The following RTL1 variants were observed in gnomAD, a reference collection of about 807,000 sequenced individuals.
RTL1 encodes the protein retrotransposon Gag like 1, also known as retrotransposon-like protein 1.
For synonymous variants in RTL1, 727 were observed against 748.4 expected, an observed-to-expected ratio of 0.97 and a Z score of 0.47; for missense variants, 1,681 against 1,767.5, an observed-to-expected ratio of 0.95 and a Z score of 0.88.
intron 3 of RTL1, among the ~76,000 whole-genome samples, chr14:100,890,241 C>G (rs2038753622): frequency 6.6e-6 from 1 of 151,698 alleles, no homozygotes; most frequent in South Asian, 2.1e-4. Flanking sequence ...CAGCTCCTTG[C>G]TTGCCTCTGA....
In RTL1 at chr14:100,881,411, G is replaced by A; in HGVS notation, c.3378C>T (p.Leu1126=). The A allele has an allele frequency of 6.4e-7, 1 of 1,550,864 alleles. No homozygotes were observed. Among genetic ancestry groups the A allele is most frequent in the Non-Finnish European group, 8.7e-7 (1 of 1,146,980 alleles). Reference sequence around the variant, plus strand: ...CTGCGATGAGGGACGAATCCAGGATGAGTCGTAGGGAGCGCTGGGGCTGGG... The same window carrying A: ...CTGCGATGAGGGACGAATCCAGGATAAGTCGTAGGGAGCGCTGGGGCTGGG... ...ARPQPQRSLR[L]ILDSSLIAGS... is the part of the protein sequence containing the mutation. Residue 1126 remains leucine (L), a synonymous_variant, in exon 4 of 4, where the codon CTC becomes CTT. Coordinates refer to ENST00000649591, the MANE Select transcript of RTL1 (RefSeq NM_001134888.3). The surrounding 1 kb of genome is among the most constrained non-coding windows in gnomAD (Gnocchi z 6.6).
intron 2 of RTL1, among the ~76,000 whole-genome samples, chr14:100,896,253 C>T (rs549691084): frequency 2.1e-4 from 32 of 152,198 alleles, no homozygotes; most frequent in African/African-American, 7.0e-4. Context: ...AGATTTCTTC[C>T]GCACAAAGTC....
Position 100,881,743 on chromosome 14 carries a change from G to T in RTL1, c.3046C>A (p.Leu1016Met), listed in dbSNP as rs2038617083. 2.5e-6 allele frequency: 4 copies of T among 1,610,048 alleles called. No homozygotes were observed. Among genetic ancestry groups the T allele is most frequent in the African/African-American group, 2.7e-5 (2 of 74,834 alleles). ...QRNTAARQTLLLASRGFPRDP... is the reference protein window; with the variant it reads ...QRNTAARQTLMLASRGFPRDP... The stretch of plus-strand genomic sequence containing the variant: ...CTGGGGAATCCCCTTGAGGCCAGCA[G>T]CAGGGTTTGCCTGGCGGCAGTGTTC... Residue 1016 changes from leucine to methionine, a missense_variant, in exon 4 of 4, where the codon CTG becomes ATG. Leu to Met is a conservative substitution (Grantham distance 15). Coordinates refer to ENST00000649591, the MANE Select transcript of RTL1 (RefSeq NM_001134888.3). This position sits in a 1 kb window ranked among gnomAD's most constrained non-coding sequence, Gnocchi z 6.6.
At chr14:100,901,743 G>A (rs994430156) in intron 2 of RTL1, among the ~76,000 whole-genome samples, 3 of 151,974 alleles carry the variant, frequency 2.0e-5, no homozygotes, top group African/African-American at 7.3e-5. Context: ...AGGTGTTCTG[G>A]CCCTCAAGAG....
rs2038637453 is a variant in RTL1 at position 100,882,806 on chromosome 14, C to G, written c.1983G>C (p.Glu661Asp). ...PELFDQLHGAEWFTKLELRGT... is the reference protein window; with the variant it reads ...PELFDQLHGADWFTKLELRGT... ...CACGCAGCTCCAGTTTTGTGAACCA[C>G]TCGGCTCCGTGTAACTGGTCAAACA... The change falls in exon 4 of 4, where the codon GAG (glutamate) becomes GAC (aspartate). Residue 661 changes from glutamate to aspartate, a missense_variant. Coordinates refer to ENST00000649591, the MANE Select transcript of RTL1 (RefSeq NM_001134888.3). 6.4e-7 allele frequency: 1 copy of G among 1,551,838 alleles called. No individual in the cohort carries two copies. The highest frequency in any genetic ancestry group is 2.0e-5 in the Admixed American group (1 of 50,996).
intron 2 of RTL1, chr14:100,898,016 C>A: frequency 2.0e-6 from 1 of 501,760 alleles, no homozygotes; most frequent in Admixed American, 2.0e-5. Flanking sequence ...TAGGTCTTGG[C>A]TGTTTCATTC....
At position 100,880,725 on chromosome 14, in the gene RTL1, G is replaced by A. The variant is rs2038594660; in HGVS notation, c.4064C>T (p.Ala1355Val). Residue 1355 changes from alanine (A) to valine (V), a missense_variant, in exon 4 of 4, where the codon GCT becomes GTT. Transcript: ENST00000649591. ...AGGGAGGCGTCTTCAGTCGAGGTTA[G>A]CATCTTCGTCCTCATCAGGCAGCTC... ...LEELPDEDED[A>V]NLD 6.4e-7 allele frequency: 1 copy of A among 1,550,770 alleles called. No individual in the cohort carries two copies. The highest frequency in any genetic ancestry group is 1.4e-5 in the African/African-American group (1 of 72,992).
Position 100,884,067 on chromosome 14 carries a change from A to G in RTL1, c.722T>C (p.Val241Ala). 4 of 1,551,716 alleles carry G rather than the reference A, an allele frequency of 2.6e-6. No individual in the cohort carries two copies. The highest frequency in any genetic ancestry group is 3.5e-6 in the Non-Finnish European group (4 of 1,146,994). ...FYNDRLRVGY[V>A]INHLSGLALE... ...TGCCAAGCCGGACAGGTGATTGATG[A>G]CATAGCCAACTCTCAGACGGTCGTT... The change falls in exon 4 of 4, where the codon GTC (valine) becomes GCC (alanine). Residue 241 changes from valine (V) to alanine (A), a missense_variant. By Grantham distance (64) the Val-to-Ala change is moderately conservative (BLOSUM62 0). Coordinates refer to ENST00000649591, the MANE Select transcript of RTL1 (RefSeq NM_001134888.3).
Position 100,884,830 on chromosome 14 carries a change from T to C in RTL1, c.-42A>G. ...GAGTGTATTCTGAAGATTGGTAAGGTTGTGATGGCGTCCAGTCAGTAGCTG... is the reference window on the plus strand; with the variant it reads ...GAGTGTATTCTGAAGATTGGTAAGGCTGTGATGGCGTCCAGTCAGTAGCTG... On this transcript the variant is annotated 5_prime_UTR_variant, in exon 4 of 4. Transcript: ENST00000649591. 1 of 1,513,572 alleles carries C rather than the reference T, an allele frequency of 6.6e-7. No homozygotes were observed. The highest frequency in any genetic ancestry group is 2.3e-5 in the East Asian group (1 of 44,014). The allele number at this position is 1,513,572 out of a possible 1,614,324, so 93.8% of individuals were successfully genotyped here.
intron 2 of RTL1, among the ~76,000 whole-genome samples, chr14:100,895,844 C>T (rs902335580): frequency 1.4e-4 from 21 of 151,948 alleles, no homozygotes; most frequent in Non-Finnish European, 4.4e-5. Flanking sequence ...AGGCCGAGGC[C>T]GGTGGATCAC....
chr14:100,886,905 C>T (rs1174396342), intron 3 of RTL1, among the ~76,000 whole-genome samples: 1 of 152,158 alleles, frequency 6.6e-6, no homozygotes, highest in Non-Finnish European at 1.5e-5. Flanking sequence ...CACTGCTTAA[C>T]ATATTTACAA....
intron 2 of RTL1, chr14:100,897,962 T>C: frequency 1.9e-6 from 1 of 517,028 alleles, no homozygotes; most frequent in Non-Finnish European, 3.9e-6. Flanking sequence ...AAGATCATGA[T>C]TAATCCAGTT....
intron 2 of RTL1, among the ~76,000 whole-genome samples, chr14:100,900,594 G>A (rs1453806312): frequency 2.6e-5 from 4 of 152,208 alleles, no homozygotes; most frequent in Admixed American, 2.6e-4. Flanking sequence ...GCAAAAAGGA[G>A]TGTAGGGGGA....
At position 100,881,257 on chromosome 14, in the gene RTL1, G is replaced by A. The variant is rs1194282810; in HGVS notation, c.3532C>T (p.Leu1178=). ...LGPGRWQRNA[L]HSQAHRGLQF... ...AGGCCTCGGTGGGCCTGGGAGTGCA[G>A]AGCATTTCGCTGCCAGCGGCCAGGG... The change falls in exon 4 of 4, where the codon CTG becomes TTG. Residue 1178 remains leucine, a synonymous_variant. Transcript: ENST00000649591. This position sits in a 1 kb window ranked among gnomAD's most constrained non-coding sequence, Gnocchi z 6.6. The A allele has an allele frequency of 1.2e-5, 19 of 1,550,126 alleles. No homozygotes were observed. The highest frequency in any genetic ancestry group is 2.4e-5 in the South Asian group (2 of 83,980).
intron 2 of RTL1, among the ~76,000 whole-genome samples, chr14:100,900,414 G>C (rs2038925517): frequency 6.6e-6 from 1 of 152,226 alleles, no homozygotes; most frequent in South Asian, 2.1e-4. Context: ...TCTCCGAAAT[G>C]TTTGATTTGT....
chr14:100,881,003 G>C lies in RTL1; in HGVS notation c.3786C>G (p.Asn1262Lys). The C allele has an allele frequency of 3.2e-6, 5 of 1,574,860 alleles. No homozygotes were observed. The highest frequency in any genetic ancestry group is 4.3e-6 in the Non-Finnish European group (5 of 1,160,522). ...LQDTSQDKQD[N>K]DVQEAPPSHT... ...GGCTGGGTGGGGCCTCCTGCACGTC[G>C]TTGTCCTGCTTGTCCTGCGAGGTGT... Residue 1262 changes from asparagine to lysine, a missense_variant, in exon 4 of 4, where the codon AAC (asparagine) becomes AAG (lysine). Physicochemically the swap from Asn to Lys is moderately conservative, Grantham distance 94. Coordinates refer to ENST00000649591, the MANE Select transcript of RTL1 (RefSeq NM_001134888.3). This position sits in a 1 kb window ranked among gnomAD's most constrained non-coding sequence, Gnocchi z 6.6.
rs147076741 is a variant in RTL1 at position 100,895,845 on chromosome 14, G to A, written c.-148-2340C>T. Reference sequence around the variant, plus strand: ...CCCAGCACTTTCGGAGGCCGAGGCCGGTGGATCACCTGAGGCCAGGAGTTT... The same window carrying A: ...CCCAGCACTTTCGGAGGCCGAGGCCAGTGGATCACCTGAGGCCAGGAGTTT... On this transcript the variant is annotated intron_variant, in intron 2 of 3. Coordinates refer to ENST00000649591, the MANE Select transcript of RTL1 (RefSeq NM_001134888.3). Among the ~76,000 whole-genome samples, 322 of 152,134 alleles carry A rather than the reference G, an allele frequency of 2.1e-3. 1 individual carries two copies. The highest frequency in any genetic ancestry group is 7.5e-3 in the African/African-American group (310 of 41,460).
intron 2 of RTL1, among the ~76,000 whole-genome samples, chr14:100,900,654 G>A (rs965485959): frequency 5.3e-5 from 8 of 152,158 alleles, no homozygotes; most frequent in East Asian, 1.9e-4. Flanking sequence ...GCCCTGTGGC[G>A]TCTGCCTCTA....
rs764909149 is a variant in RTL1 at position 100,881,467 on chromosome 14, G to A, written c.3322C>T (p.Arg1108Trp). 17 of 1,550,714 alleles carry A rather than the reference G, an allele frequency of 1.1e-5. No individual in the cohort carries two copies. Among genetic ancestry groups the A allele is most frequent in the East Asian group, 4.9e-5 (2 of 40,920 alleles). ...GCCACCCGCATGGCGGGTGCCGGCC[G>A]CAGCGAGAGGCATTGCCTCACGCGC... is the stretch of plus-strand genomic sequence containing the variant. The part of the protein sequence containing the change: ...LLRVRQCLSL[R>W]PAPAMRVARP... Residue 1108 changes from arginine to tryptophan, a missense_variant, in exon 4 of 4, where the codon CGG becomes TGG. Physicochemically the swap from Arg to Trp is moderately radical, Grantham distance 101 (BLOSUM62 -3). Transcript: ENST00000649591. The surrounding 1 kb of genome is among the most constrained non-coding windows in gnomAD (Gnocchi z 6.6).
Sources: gnomAD v4.1 joint callset for allele counts (sites outside exome capture counted in the v4.1 genomes callset) on GRCh38, gnomAD v4.1.1 for gene constraint, Gnocchi (gnomAD v3.1) non-coding constraint, MANE v1.5 for transcripts, NCBI Gene and HGNC (gene_info 2026-07-23, HGNC 2026-07-21) for gene names.